SLC47A2: variants seen among roughly 807,000 people sequenced by gnomAD.
SLC47A2 encodes the protein multidrug and toxin extrusion protein 2.
In SLC47A2, 52 loss-of-function variants were observed where a neutral mutation model predicts 67.7. The ratio of observed to expected loss-of-function variants is 0.77; its 90% CI spans 0.61 to 0.97. The LOEUF (loss-of-function observed/expected upper bound fraction) is 0.97. SLC47A2 is among the 50% of genes least tolerant of loss of function. SLC47A2 has a pLI of 0.00. For missense variants in SLC47A2, 676 were observed against 712.3 expected (o/e 0.95, Z 0.58); for synonymous variants, 278 against 292.9 (o/e 0.95, Z 0.52).
chr17:19,714,628 G>T, intron 3 of SLC47A2, 93 bp downstream of exon 3: 1 of 1,464,690 alleles, frequency 6.8e-7, no homozygotes, highest in African/African-American at 1.4e-5. Context: ...CAGATCACCT[G>T]GCTGCGCCCC....
rs1225727698 is a variant in SLC47A2, at chr17:19,705,512, G to A, written c.842-9C>T. 2 of 1,583,654 alleles carry A rather than the reference G, an allele frequency of 1.3e-6. No individual in the cohort carries two copies. The highest frequency in any genetic ancestry group is 4.7e-5 in the East Asian group (2 of 42,946). Reference sequence around the variant, plus strand: ...CACCACACTGAGCAGCCCTAGAGAAGAGGCCCGCCGTGAGTCCGGCCCGCA... The same window carrying A: ...CACCACACTGAGCAGCCCTAGAGAAAAGGCCCGCCGTGAGTCCGGCCCGCA... On this transcript the variant is annotated splice_polypyrimidine_tract_variant and intron_variant, in intron 9 of 16. Transcript: ENST00000433844.
At chr17:19,711,485 G>A (rs374557899) in intron 5 of SLC47A2, among the ~76,000 whole-genome samples, 19 of 150,784 alleles carry the variant, frequency 1.3e-4, no homozygotes, top group South Asian at 4.2e-4. Context: ...CCAGCTACTC[G>A]GGAGGCTGAG....
chr17:19,713,404 A>ATC (rs1567637484), intron 4 of SLC47A2, among the ~76,000 whole-genome samples: 47 of 144,952 alleles, frequency 3.2e-4, no homozygotes, highest in East Asian at 1.6e-3. Flanking sequence ...TAATAATAAT[A>ATC]ATAATAATAA....
intron 5 of SLC47A2, among the ~76,000 whole-genome samples, chr17:19,711,232 A>G (rs1272656331): frequency 6.6e-6 from 1 of 152,254 alleles, no homozygotes; most frequent in East Asian, 1.9e-4. Flanking sequence ...AGATTAACCC[A>G]CTAAAATAAG....
intron 12 of SLC47A2, 119 bp downstream of exon 12, chr17:19,702,973 C>G (rs1320098649): frequency 3.4e-6 from 4 of 1,162,288 alleles, no homozygotes; most frequent in Non-Finnish European, 5.0e-6. Context: ...AGAGCCAAGC[C>G]TGGGCTCTTC....
rs2085827434 is a variant in SLC47A2 at position 19,703,013 on chromosome 17, G to A, written c.1094+79C>T. On this transcript the variant is annotated intron_variant, in intron 12 of 16. Transcript: ENST00000433844. Reference sequence around the variant, plus strand: ...TTCCTTTGGGCCCAGCACTGAGCCAGGAATGTGATAAATCTGAGGACACAC... The same window carrying A: ...TTCCTTTGGGCCCAGCACTGAGCCAAGAATGTGATAAATCTGAGGACACAC... 6 of 1,468,068 alleles carry A rather than the reference G, an allele frequency of 4.1e-6. No homozygotes were observed. In the East Asian group the frequency reaches 9.2e-5, roughly 23 times the overall value. The allele number at this position is 1,468,068 out of a possible 1,614,324, so 90.9% of individuals were successfully genotyped here. A position where few individuals can be genotyped will look rare whatever the true frequency, so the allele number is the denominator to read the frequency against.
intron 13 of SLC47A2, among the ~76,000 whole-genome samples, chr17:19,690,676 G>C (rs1356904427): frequency 6.6e-6 from 1 of 152,064 alleles, no homozygotes; most frequent in Non-Finnish European, 1.5e-5. Flanking sequence ...ACATACAAAT[G>C]GCAAACATAT....
rs2085316353 is a variant in SLC47A2 at position 19,681,598 on chromosome 17, A to C, written c.1237T>G (p.Tyr413Asp). The change falls in exon 14 of 17, where the codon TAC (tyrosine) becomes GAC (aspartate). Residue 413 changes from tyrosine to aspartate, a missense_variant. By Grantham distance (160) the Tyr-to-Asp change is radical. Transcript: ENST00000433844. ...ATGCCCAGTGGTAGGCCGATGATGT[A>C]ATATGTGATGGCATTCACAGCGGCA... Reference protein sequence around the residue: ...FGAAVNAITYYIIGLPLGILL... With the variant: ...FGAAVNAITYDIIGLPLGILL... 2 of 1,614,174 alleles carry C rather than the reference A, an allele frequency of 1.2e-6. No homozygotes were observed. Among genetic ancestry groups the C allele is most frequent in the African/African-American group, 2.7e-5 (2 of 75,034 alleles).
In SLC47A2 at chr17:19,706,781, G is replaced by A. The variant is rs1417157481; in HGVS notation, c.728-20C>T. On this transcript the variant is annotated intron_variant, in intron 8 of 16. Coordinates refer to ENST00000433844, the MANE Select transcript of SLC47A2 (RefSeq NM_001099646.3). The stretch of plus-strand genomic sequence containing the variant: ...ACCAACCTGGAAACAGAGGCCCCAT[G>A]AGCTGACAGCCTGCCCTGCTTGCCC... The A allele has an allele frequency of 1.3e-6, 2 of 1,588,106 alleles. No individual in the cohort carries two copies. The highest frequency in any genetic ancestry group is 1.7e-6 in the Non-Finnish European group (2 of 1,165,270).
chr17:19,707,870 C>T (rs752917151), intron 7 of SLC47A2, 27 bp from the exon 8 acceptor site: 30 of 1,552,782 alleles, frequency 1.9e-5, no homozygotes, highest in Admixed American at 1.9e-4. Context: ...AACAGGGCTG[C>T]GACTGATGCC....
intron 4 of SLC47A2, 90 bp from the exon 5 acceptor site, chr17:19,712,835 C>A: frequency 1.6e-6 from 2 of 1,254,406 alleles, no homozygotes; most frequent in South Asian, 1.3e-5. Flanking sequence ...ACTGGGTGCT[C>A]GGCCGCTGTC....
intron 4 of SLC47A2, among the ~76,000 whole-genome samples, chr17:19,713,422 C>A (rs909328230): frequency 2.0e-4 from 30 of 148,524 alleles, no homozygotes; most frequent in East Asian, 5.9e-4. Context: ...TAATCATCAT[C>A]ATCATCATCA....
intron 13 of SLC47A2, among the ~76,000 whole-genome samples, chr17:19,695,515 C>CAAAAAAAAAAAAAAAAAAAAAAGA (rs201305334): frequency 1.1e-5 from 1 of 91,402 alleles, no homozygotes; most frequent in Non-Finnish European, 2.3e-5. Flanking sequence ...AAAAAAACAG[C>CAAAAAAAAAAAAAAAAAAAAAAGA]AAAAAAAAAA....
chr17:19,706,580 G>A lies in SLC47A2; in HGVS notation c.841+68C>T. ...TCTGGGATGGGTGAGCCGCCATCCT[G>A]GGGAGGGGGCTTCTGGGCTGGGTGA... On this transcript the variant is annotated intron_variant, in intron 9 of 16. Coordinates refer to ENST00000433844, the MANE Select transcript of SLC47A2 (RefSeq NM_001099646.3). The A allele has an allele frequency of 2.2e-6, 3 of 1,342,740 alleles. No homozygotes were observed. The Admixed American group carries it at 7.3e-5, about 33-fold the overall frequency. The allele number at this position is 1,342,740 out of a possible 1,614,324, so 83.2% of individuals were successfully genotyped here.
chr17:19,690,319 T>A (rs923213453), intron 13 of SLC47A2, among the ~76,000 whole-genome samples: 1 of 152,094 alleles, frequency 6.6e-6, no homozygotes, highest in Non-Finnish European at 1.5e-5. Context: ...ATGAAACTAC[T>A]AGAAGAAGAA....
At chr17:19,713,410 A>ATCATC (rs1567637550) in intron 4 of SLC47A2, among the ~76,000 whole-genome samples, 4,063 of 147,528 alleles carry the variant, frequency 0.028, 175 homozygotes, top group African/African-American at 0.098. Flanking sequence ...TAATAATAAT[A>ATCATC]ATAATCATCA....
intron 4 of SLC47A2, 127 bp from the exon 5 acceptor site, chr17:19,712,872 C>T: frequency 1.2e-6 from 1 of 860,032 alleles, no homozygotes. Flanking sequence ...GACTGTGAAA[C>T]CTCAGCATCA....
At chr17:19,703,269 A>G in intron 11 of SLC47A2, 102 bp from the exon 12 acceptor site, 1 of 1,042,678 alleles carries the variant, frequency 9.6e-7, no homozygotes, top group East Asian at 2.5e-5. Flanking sequence ...AAGTCAGCCC[A>G]GCCCTCTGCA....
Position 19,710,521 on chromosome 17 carries a change from C to T in SLC47A2, c.487-1761G>A, listed in dbSNP as rs753926704. ...AGGCTGAAGTGCAGTGACACAATCTCGGCTCACTGCAACCTCCACCTCCCG... is the reference window on the plus strand; with the variant it reads ...AGGCTGAAGTGCAGTGACACAATCTTGGCTCACTGCAACCTCCACCTCCCG... On this transcript the variant is annotated intron_variant, in intron 5 of 16. Coordinates refer to ENST00000433844, the MANE Select transcript of SLC47A2 (RefSeq NM_001099646.3). Among the ~76,000 whole-genome samples, 5 of 151,932 alleles carry T rather than the reference C, an allele frequency of 3.3e-5. No individual in the cohort carries two copies. The East Asian group carries it at 7.7e-4, about 23-fold the overall frequency.
Sources: allele counts gnomAD v4.1 joint callset (sites outside exome capture counted in the v4.1 genomes callset), GRCh38; gene constraint gnomAD v4.1.1; transcripts MANE v1.5; gene names NCBI Gene and HGNC (gene_info 2026-07-23, HGNC 2026-07-21).